Variants in COL24A1 observed in about 807,000 individuals in gnomAD.
COL24A1 encodes the protein collagen type XXIV alpha 1 chain.
A neutral mutation model predicts 253.9 loss-of-function variants in COL24A1; 224 were observed. The observed-to-expected ratio is 0.88, with a 90% CI of 0.79 to 0.99. COL24A1 has a LOEUF of 0.99. COL24A1 is among the 50% of genes least tolerant of loss of function. The pLI, the probability that COL24A1 is intolerant of heterozygous loss-of-function variation, is 0.00. For missense variants in COL24A1, 2,131 were observed against 2,068.5 expected, an observed-to-expected ratio of 1.03 and a Z score of -0.59; for synonymous variants, 685 against 673.7, an observed-to-expected ratio of 1.02 and a Z score of -0.26.
chr1:86,050,200 T>C lies in COL24A1; in HGVS notation c.1852-23A>G, dbSNP rs746565584. On this transcript the variant is annotated intron_variant, in intron 10 of 59. Coordinates refer to ENST00000370571, the MANE Select transcript of COL24A1 (RefSeq NM_152890.7). ...ACCCTTAAAACAAGAAAATAGTCTGTATATTAGTTCATTTGAATATTCTCC... is the reference window on the plus strand; with the variant it reads ...ACCCTTAAAACAAGAAAATAGTCTGCATATTAGTTCATTTGAATATTCTCC... 5 of 1,604,034 alleles carry C rather than the reference T, an allele frequency of 3.1e-6. No individual in the cohort carries two copies. The Admixed American group carries it at 8.3e-5, about 27-fold the overall frequency.
intron 2 of COL24A1, among the ~76,000 whole-genome samples, chr1:86,135,294 T>C (rs1557774682): frequency 6.6e-6 from 1 of 152,152 alleles, no homozygotes. Context: ...GTGTCTTGAC[T>C]CTTTATCCAA....
Position 85,911,368 on chromosome 1 carries a change from T to C in COL24A1, c.2616+12A>G, listed in dbSNP as rs751839952. 1 of 1,608,802 alleles carries C rather than the reference T, an allele frequency of 6.2e-7. No individual in the cohort carries two copies. Among genetic ancestry groups the C allele is most frequent in the Non-Finnish European group, 8.5e-7 (1 of 1,176,808 alleles). On this transcript the variant is annotated intron_variant, in intron 25 of 59. Transcript: ENST00000370571. ...TTCTTCCTATAAAACAAAATAATTC[T>C]TAAAAAATTACCTTTTCGCCAATGC...
chr1:85,995,513 C>T (rs987082751), intron 19 of COL24A1, among the ~76,000 whole-genome samples: 8 of 152,100 alleles, frequency 5.3e-5, no homozygotes, highest in Admixed American at 3.9e-4. Flanking sequence ...CTATTCTGGC[C>T]ATTATTTGAT....
intron 37 of COL24A1, among the ~76,000 whole-genome samples, chr1:85,867,322 A>G (rs1422092233): frequency 6.6e-6 from 1 of 152,238 alleles, no homozygotes; most frequent in Non-Finnish European, 1.5e-5. Context: ...TTAGTTCCTC[A>G]GTCTTTACTG....
intron 51 of COL24A1, among the ~76,000 whole-genome samples, 185 bp downstream of exon 51, chr1:85,783,311 G>A (rs574975734): frequency 1.8e-4 from 27 of 151,722 alleles, no homozygotes; most frequent in African/African-American, 5.6e-4. Context: ...TGGTCTATGA[G>A]GTATTTTGCT....
At chr1:86,097,181 C>G (rs1276890065) in intron 5 of COL24A1, among the ~76,000 whole-genome samples, 2 of 152,166 alleles carry the variant, frequency 1.3e-5, no homozygotes, top group Non-Finnish European at 2.9e-5. Flanking sequence ...TGTCTCCTTT[C>G]TGCTCCTTAT....
intron 1 of COL24A1, 64 bp downstream of exon 1, chr1:86,156,277 G>T: frequency 1.3e-6 from 2 of 1,505,178 alleles, no homozygotes; most frequent in Non-Finnish European, 1.8e-6. Context: ...AGGCTCAGCA[G>T]AACCAGGGGG....
At chr1:86,045,734 A>G in intron 12 of COL24A1, 1 of 338,296 alleles carries the variant, frequency 3.0e-6, no homozygotes, top group Non-Finnish European at 5.8e-6. Context: ...TTCAATGTAA[A>G]TGCAGGGAAA....
intron 19 of COL24A1, among the ~76,000 whole-genome samples, chr1:86,008,901 AAAT>A (rs546555865): frequency 0.021 from 2,276 of 107,760 alleles, 27 homozygotes; most frequent in Middle Eastern, 0.078. Flanking sequence ...AACAACAAAA[AAAT>A]AAAATGCTTA....
chr1:85,759,281 A>T (rs1371702783), intron 55 of COL24A1, among the ~76,000 whole-genome samples: 1 of 152,212 alleles, frequency 6.6e-6, no homozygotes, highest in Non-Finnish European at 1.5e-5. Flanking sequence ...TGGAAGGAGA[A>T]TTTAAAAAGT....
chr1:85,733,492 C>T (rs1663722853), intron 59 of COL24A1, among the ~76,000 whole-genome samples: 1 of 152,128 alleles, frequency 6.6e-6, no homozygotes, highest in Non-Finnish European at 1.5e-5. Context: ...TGGAGTGGGC[C>T]CGATTTGGTC....
intron 19 of COL24A1, among the ~76,000 whole-genome samples, chr1:85,987,918 G>A (rs1693867518): frequency 6.6e-6 from 1 of 151,788 alleles, no homozygotes; most frequent in Non-Finnish European, 1.5e-5. Flanking sequence ...AGAAGTCTCA[G>A]TCCAAAATTA....
chr1:85,865,012 A>T (rs999801424), intron 37 of COL24A1, among the ~76,000 whole-genome samples: 3 of 152,178 alleles, frequency 2.0e-5, no homozygotes, highest in Non-Finnish European at 4.4e-5. Flanking sequence ...ACAAGATTCA[A>T]GCATAAAATA....
chr1:85,737,103 G>GTA (rs1354789732), intron 58 of COL24A1, among the ~76,000 whole-genome samples: 1 of 152,028 alleles, frequency 6.6e-6, no homozygotes, highest in Non-Finnish European at 1.5e-5. Context: ...TAATGTGTGT[G>GTA]TATGCATAAA....
Position 85,796,650 on chromosome 1 carries a change from G to A in COL24A1, c.3952-10189C>T, listed in dbSNP as rs373060294. ...CTAACTCCTGGCTCTTAGTAGGCAC[G>A]AAACAAATTATTTTTTGAATGAATG... On this transcript the variant is annotated intron_variant, in intron 47 of 59. Coordinates refer to ENST00000370571, the MANE Select transcript of COL24A1 (RefSeq NM_152890.7). Among the ~76,000 whole-genome samples, 27 of 152,194 alleles carry A rather than the reference G, an allele frequency of 1.8e-4. No homozygotes were observed. The South Asian group carries it at 2.5e-3, about 14-fold the overall frequency.
At chr1:85,867,201 AG>A (rs1679889788) in intron 37 of COL24A1, among the ~76,000 whole-genome samples, 1 of 152,166 alleles carries the variant, frequency 6.6e-6, no homozygotes, top group South Asian at 2.1e-4. Flanking sequence ...AATGATCTGC[AG>A]GTTAGAAACC....
At chr1:86,064,147 T>C (rs955588536) in intron 7 of COL24A1, among the ~76,000 whole-genome samples, 1 of 152,074 alleles carries the variant, frequency 6.6e-6, no homozygotes, top group Non-Finnish European at 1.5e-5. Context: ...CTAAGACAAA[T>C]GGCCTCAGAC....
rs753701297 is a variant in COL24A1, at chr1:85,799,211, A to AAAAAAAAGAAAG, written c.3952-12751_3952-12750insCTTTCTTTTTTT. 3.1e-3 allele frequency among the ~76,000 whole-genome samples: 420 copies of AAAAAAAAGAAAG among 137,634 alleles called. 12 individuals are homozygous for AAAAAAAAGAAAG. The highest frequency in any genetic ancestry group is 8.7e-3 in the African/African-American group (314 of 36,034). 90.3% of individuals were successfully genotyped at this position (137,634 alleles called of 152,430 possible). On this transcript the variant is annotated intron_variant, in intron 47 of 59. Transcript: ENST00000370571. ...GAATTCTTTAATTCCTTGGCCACATAAAAGAAAGAAAGAAAGAAAGAAAGA... is the reference window on the plus strand; with the variant it reads ...GAATTCTTTAATTCCTTGGCCACATAAAAAAAAGAAAGAAAGAAAGAAAGAAAGAAAGAAAGA...
chr1:85,845,501 G>A lies in COL24A1; in HGVS notation c.3462+2164C>T, dbSNP rs559125969. On this transcript the variant is annotated intron_variant, in intron 39 of 59. Transcript: ENST00000370571. ...TTAGAAGCATTTTCACTAAAGACAG[G>A]CCCACAAGACAAGGTTTTCTTCATC... 1.4e-4 allele frequency among the ~76,000 whole-genome samples: 21 copies of A among 151,896 alleles called. No individual in the cohort carries two copies. The East Asian group carries it at 3.7e-3, about 27-fold the overall frequency.
Sources: allele counts gnomAD v4.1 joint callset (sites outside exome capture counted in the v4.1 genomes callset), GRCh38; gene constraint gnomAD v4.1.1; transcripts MANE v1.5; gene names NCBI Gene and HGNC (gene_info 2026-07-23, HGNC 2026-07-21).